KRT73: variants seen among roughly 807,000 people sequenced by gnomAD.
KRT73 encodes the protein keratin 73, also known as keratin, type II cytoskeletal 73.
Under a neutral mutation model 47.2 loss-of-function variants are expected in KRT73, and 44 were observed. That is an observed-to-expected ratio of 0.93 (90% CI 0.73 to 1.20). The LOEUF (loss-of-function observed/expected upper bound fraction) is 1.20. KRT73 is among the 50% of genes most tolerant of loss of function. The pLI, the probability that KRT73 is intolerant of heterozygous loss-of-function variation, is 0.00. For synonymous variants in KRT73, 285 were observed against 291.3 expected, an observed-to-expected ratio of 0.98 and a Z score of 0.22; for missense variants, 713 against 704.5, an observed-to-expected ratio of 1.01 and a Z score of -0.14.
At chr12:52,614,103 G>C (rs1940761472) in intron 4 of KRT73, 1 of 445,238 alleles carries the variant, frequency 2.2e-6, no homozygotes, top group African/African-American at 2.0e-5. Context: ...ACAGGAGTGG[G>C]GAAGGTGGAA....
chr12:52,629,566 G>A, the KRT73 span, among the ~76,000 whole-genome samples: 9 of 152,208 alleles, frequency 5.9e-5, no homozygotes, highest in African/African-American at 2.2e-4. Flanking sequence ...GGCCCCAGCT[G>A]CCTGGCCAAA....
intron 1 of KRT73, among the ~76,000 whole-genome samples, chr12:52,617,522 C>T (rs1208907331): frequency 6.6e-6 from 1 of 150,542 alleles, no homozygotes; most frequent in Admixed American, 6.8e-5. Flanking sequence ...GCTGCCTTGC[C>T]TCATAGGCTG....
At position 52,610,790 on chromosome 12, in the gene KRT73, C is replaced by G. The variant is rs761352447; in HGVS notation, c.1156G>C (p.Asp386His). 6.2e-7 allele frequency: 1 copy of G among 1,613,320 alleles called. No homozygotes were observed. Among genetic ancestry groups the G allele is most frequent in the South Asian group, 1.1e-5 (1 of 91,050 alleles). Residue 386 changes from aspartate (D) to histidine (H), a missense_variant, in exon 7 of 9, where the codon GAC (aspartate) becomes CAC (histidine). Physicochemically the swap from Asp to His is moderately conservative, Grantham distance 81. Coordinates refer to ENST00000305748, the MANE Select transcript of KRT73 (RefSeq NM_175068.3). Reference protein sequence around the residue: ...TAIADAEQRGDCALKDARAKL... With the variant: ...TAIADAEQRGHCALKDARAKL... ...GCCCTGGCATCCTTGAGGGCACAGT[C>G]CCCCCGCTGCTCGGCGTCAGCGATG...
upstream of KRT73, among the ~76,000 whole-genome samples, chr12:52,622,868 G>T (rs1205143954): frequency 1.3e-5 from 2 of 152,072 alleles, no homozygotes; most frequent in African/African-American, 4.8e-5. Context: ...GAGAATAAAA[G>T]GCCAGAGGAA....
chr12:52,608,625 C>CCCAGT (rs1178010499), intron 8 of KRT73, among the ~76,000 whole-genome samples, 173 bp from the exon 9 acceptor site: 4 of 152,162 alleles, frequency 2.6e-5, no homozygotes, highest in Non-Finnish European at 4.4e-5. Context: ...GAAGAATAGC[C>CCCAGT]CCAGTCCTGC....
chr12:52,610,788 G>T lies in KRT73; in HGVS notation c.1158C>A (p.Asp386Glu). ...TGGCCCTGGCATCCTTGAGGGCACA[G>T]TCCCCCCGCTGCTCGGCGTCAGCGA... is the stretch of plus-strand genomic sequence containing the variant. ...TAIADAEQRG[D>E]CALKDARAKL... Residue 386 changes from aspartate to glutamate, a missense_variant, in exon 7 of 9, where the codon GAC becomes GAA. Physicochemically the swap from Asp to Glu is conservative, Grantham distance 45 (BLOSUM62 2). Coordinates refer to ENST00000305748, the MANE Select transcript of KRT73 (RefSeq NM_175068.3). 6.2e-7 allele frequency: 1 copy of T among 1,613,540 alleles called. No homozygotes were observed. Among genetic ancestry groups the T allele is most frequent in the South Asian group, 1.1e-5 (1 of 91,052 alleles).
At chr12:52,609,726 T>G (rs1940654813) in intron 7 of KRT73, 1 of 167,742 alleles carries the variant, frequency 6.0e-6, no homozygotes, top group Admixed American at 6.0e-5. Flanking sequence ...CAAATGTTCA[T>G]GCTTCGTGTG....
At chr12:52,609,525 C>A (rs114197461) in intron 7 of KRT73, among the ~76,000 whole-genome samples, 1 of 152,202 alleles carries the variant, frequency 6.6e-6, no homozygotes, top group East Asian at 1.9e-4. Flanking sequence ...ATTACCACCC[C>A]CAAGGTCCCT....
intron 6 of KRT73, 73 bp from the exon 7 acceptor site, chr12:52,610,908 G>A: frequency 1.5e-6 from 2 of 1,309,832 alleles, no homozygotes; most frequent in Non-Finnish European, 2.1e-6. Flanking sequence ...TGCTCTCAAT[G>A]GTTGAGCCCT....
intron 3 of KRT73, chr12:52,615,022 C>G (rs948774866): frequency 1.7e-5 from 9 of 542,448 alleles, no homozygotes; most frequent in Non-Finnish European, 2.9e-5. Context: ...CCTCCCAAAG[C>G]CTGTCCTGTT....
chr12:52,617,887 G>A (rs1940842495), intron 1 of KRT73, among the ~76,000 whole-genome samples, 191 bp downstream of exon 1: 1 of 152,170 alleles, frequency 6.6e-6, no homozygotes. Flanking sequence ...GAAGGAAGGG[G>A]CTCTACGGCA....
chr12:52,613,352 A>G (rs1192448325), intron 5 of KRT73: 4 of 207,394 alleles, frequency 1.9e-5, no homozygotes, highest in East Asian at 2.3e-4. Context: ...TGAGATGCCA[A>G]CTACTCATGT....
chr12:52,614,092 G>T, intron 4 of KRT73: 2 of 479,754 alleles, frequency 4.2e-6, no homozygotes. Context: ...CCTGAGACAG[G>T]ACAGGAGTGG....
At chr12:52,610,311 A>C (rs1940667148) in intron 7 of KRT73, 1 of 368,032 alleles carries the variant, frequency 2.7e-6, no homozygotes, top group Admixed American at 3.8e-5. Flanking sequence ...TCCTGACCTC[A>C]GGTGATCCAC....
At chr12:52,617,981 T>C in intron 1 of KRT73, 97 bp downstream of exon 1, 1 of 1,338,798 alleles carries the variant, frequency 7.5e-7, no homozygotes. Context: ...AAATGATTTC[T>C]TGCTCTCAGG....
At chr12:52,620,116 T>C (rs1451943760), upstream of KRT73, among the ~76,000 whole-genome samples, 25 of 144,478 alleles carry the variant, frequency 1.7e-4, no homozygotes, top group Admixed American at 1.2e-3. Flanking sequence ...TTTCTTTTTT[T>C]TTTTTTTTTT....
At position 52,609,253 on chromosome 12, in the gene KRT73, TCA is replaced by T; in HGVS notation, c.1358_1359del (p.Val453GlufsTer53). 6.2e-7 allele frequency: 1 copy of T among 1,613,666 alleles called. No individual in the cohort carries two copies. The highest frequency in any genetic ancestry group is 8.5e-7 in the Non-Finnish European group (1 of 1,179,602). On this transcript the variant is annotated frameshift_variant, in exon 8 of 9. Transcript: ENST00000305748. LOFTEE classifies it low-confidence loss of function (END_TRUNC). ...CRMSGEYTNS[V>X]SISVINSSMA... ...AGAGTCATGAAATACTCACAAATGC[TCA>T]CGGAGTTGGTATATTCTCCGGACAT...
chr12:52,616,072 C>G (rs1940806040), intron 2 of KRT73, 94 bp downstream of exon 2: 2 of 1,475,658 alleles, frequency 1.4e-6, no homozygotes, highest in Non-Finnish European at 9.4e-7. Flanking sequence ...ACAGATGAAC[C>G]CAATACCTCC....
intron 1 of KRT73, 21 bp downstream of exon 1, chr12:52,618,057 G>A (rs1940844849): frequency 6.2e-7 from 1 of 1,610,898 alleles, no homozygotes; most frequent in Non-Finnish European, 8.5e-7. Context: ...CCCAAGATCA[G>A]CTTTCTCCAG....
Sources: allele counts gnomAD v4.1 joint callset (sites outside exome capture counted in the v4.1 genomes callset), GRCh38; gene constraint gnomAD v4.1.1; transcripts MANE v1.5; gene names NCBI Gene and HGNC (gene_info 2026-07-23, HGNC 2026-07-21).